Variants in NFATC2 observed in about 807,000 individuals in gnomAD.
NFATC2 encodes nuclear factor of activated T-cells, cytoplasmic 2.
In NFATC2, 22 loss-of-function variants were observed where a neutral mutation model predicts 87.3. The observed-to-expected ratio is 0.25, with a 90% CI of 0.18 to 0.36. The LOEUF (loss-of-function observed/expected upper bound fraction) is 0.36, where lower values mean the gene tolerates loss of function less well. NFATC2 is among the 10% of genes least tolerant of loss of function. NFATC2 has a pLI of 1.00. For missense variants in NFATC2, 1,149 were observed against 1,259.1 expected, an observed-to-expected ratio of 0.91 and a Z score of 1.32; for synonymous variants, 565 against 542.2, an observed-to-expected ratio of 1.04 and a Z score of -0.58.
intron 1 of NFATC2, among the ~76,000 whole-genome samples, chr20:51,525,919 A>ACCCACC (rs368808702): frequency 0.06 from 6,095 of 100,778 alleles, 160 homozygotes; most frequent in Middle Eastern, 0.079. Context: ...CCGGCCTGCC[A>ACCCACC]CCCACCCCCA....
At chr20:51,509,754 A>G (rs1437160164) in intron 3 of NFATC2, among the ~76,000 whole-genome samples, 1 of 152,242 alleles carries the variant, frequency 6.6e-6, no homozygotes, top group East Asian at 1.9e-4. Flanking sequence ...CCTTCCTTAG[A>G]TATCATTTCA....
intron 9 of NFATC2, among the ~76,000 whole-genome samples, chr20:51,419,994 C>A (rs1980636630): frequency 7.1e-6 from 1 of 140,910 alleles, no homozygotes. Flanking sequence ...TGCTTAAATT[C>A]ATGAGTTCAT....
chr20:51,394,952 G>A (rs971932796), intron 10 of NFATC2, among the ~76,000 whole-genome samples: 8 of 152,186 alleles, frequency 5.3e-5, no homozygotes, highest in Non-Finnish European at 2.9e-5. Flanking sequence ...AGCCCCACTC[G>A]TGCATGGCAC....
chr20:51,530,107 TAGAA>T (rs1457799513), intron 1 of NFATC2, among the ~76,000 whole-genome samples: 6 of 152,170 alleles, frequency 3.9e-5, no homozygotes, highest in African/African-American at 1.4e-4. Flanking sequence ...GAGCCAGTGT[TAGAA>T]AGAAAGGTGT....
At chr20:51,528,515 T>C (rs913741787) in intron 1 of NFATC2, among the ~76,000 whole-genome samples, 2 of 152,078 alleles carry the variant, frequency 1.3e-5, no homozygotes, top group African/African-American at 4.8e-5. Context: ...CACACATATG[T>C]ACACACACAG....
intron 1 of NFATC2, among the ~76,000 whole-genome samples, chr20:51,526,268 G>A (rs371887310): frequency 2.0e-5 from 3 of 152,104 alleles, no homozygotes; most frequent in African/African-American, 7.2e-5. Context: ...CGGCCCATGG[G>A]TTGTGTTTGT....
Position 51,391,079 on chromosome 20 carries a change from T to C in NFATC2, c.*417A>G, listed in dbSNP as rs1202923636. ...ATCCCCCCAAGCTCCAGTCACTCTG[T>C]TCTCAGGAGAGTTCCAGTGTCCTGT... On this transcript the variant is annotated 3_prime_UTR_variant, in exon 11 of 11. Transcript: ENST00000371564. 1 of 480,556 alleles carries C rather than the reference T, an allele frequency of 2.1e-6. No homozygotes were observed. Among genetic ancestry groups the C allele is most frequent in the Non-Finnish European group, 3.9e-6 (1 of 254,720 alleles). 29.8% of individuals were successfully genotyped at this position (480,556 alleles called of 1,614,324 possible). A position where few individuals can be genotyped will look rare whatever the true frequency, so the allele number is the denominator to read the frequency against.
chr20:51,516,592 A>G (rs1338869389), intron 3 of NFATC2, among the ~76,000 whole-genome samples, 192 bp downstream of exon 3: 4 of 152,218 alleles, frequency 2.6e-5, no homozygotes, highest in Admixed American at 6.5e-5. Context: ...GCTGAAGAAG[A>G]CTTTCTCTTC....
At chr20:51,541,965 CCTG>C (rs1455607880) in intron 1 of NFATC2, among the ~76,000 whole-genome samples, 4 of 152,112 alleles carry the variant, frequency 2.6e-5, no homozygotes, top group Admixed American at 6.5e-5. Flanking sequence ...GCAACTCCTC[CCTG>C]CTAACTCCAT....
chr20:51,477,451 T>C (rs1244689547), intron 3 of NFATC2, among the ~76,000 whole-genome samples: 1 of 150,000 alleles, frequency 6.7e-6, no homozygotes, highest in African/African-American at 2.4e-5. Context: ...TGCCATGTTA[T>C]AGGAAGGATA....
rs768194029 is a variant in NFATC2 at position 51,523,286 on chromosome 20, G to A, written c.955C>T (p.Pro319Ser). 2 of 1,613,842 alleles carry A rather than the reference G, an allele frequency of 1.2e-6. No homozygotes were observed. Among genetic ancestry groups the A allele is most frequent in the Non-Finnish European group, 1.7e-6 (2 of 1,179,828 alleles). The change falls in exon 2 of 11, where the codon CCC (proline) becomes TCC (serine). Residue 319 changes from proline (P) to serine (S), a missense_variant. By Grantham distance (74) the Pro-to-Ser change is moderately conservative. Coordinates refer to ENST00000371564, the MANE Select transcript of NFATC2 (RefSeq NM_012340.5). This position sits in a 1 kb window ranked among gnomAD's most constrained non-coding sequence, Gnocchi z 6.9. ...SLATDSPCGI[P>S]PKMWKTSPDP... ...GGGCTGGTCTTCCACATCTTGGGGG[G>A]GATCCCACAAGGCGAGTCCGTGGCG...
chr20:51,432,115 C>A lies in NFATC2; in HGVS notation c.2674G>T (p.Val892Leu), dbSNP rs1254898046. ...AAGTTCTGCTCCTGTTTAATGGTCA[C>A]CCCCGCAGGTAATACTTCCTTTTGG... ...SDQKEVLPAG[V>L]TIKQEQNLDQ... The change falls in exon 9 of 11, where the codon GTG (valine) becomes TTG (leucine). Residue 892 changes from valine (V) to leucine (L), a missense_variant. Val to Leu is a conservative substitution (Grantham distance 32, BLOSUM62 1). Transcript: ENST00000371564. The surrounding 1 kb of genome is among the most constrained non-coding windows in gnomAD (Gnocchi z 4.6). 6.4e-7 allele frequency: 1 copy of A among 1,564,388 alleles called. No individual in the cohort carries two copies. Among genetic ancestry groups the A allele is most frequent in the Admixed American group, 1.8e-5 (1 of 56,228 alleles).
In NFATC2 at chr20:51,480,886, G is replaced by A. The variant is rs1217909794; in HGVS notation, c.1333-5226C>T. On this transcript the variant is annotated intron_variant, in intron 3 of 10. Transcript: ENST00000371564. This position sits in a 1 kb window ranked among gnomAD's most constrained non-coding sequence, Gnocchi z 4.2. ...GGGAGGTGATATTACAGAACTGAAT[G>A]GAAGGGTGAAGAATGAATGTGAACA... is the stretch of plus-strand genomic sequence containing the variant. 2.0e-5 allele frequency among the ~76,000 whole-genome samples: 3 copies of A among 152,150 alleles called. No individual in the cohort carries two copies. The highest frequency in any genetic ancestry group is 4.4e-5 in the Non-Finnish European group (3 of 68,024).
chr20:51,435,258 T>C lies in NFATC2; in HGVS notation c.1962A>G (p.Val654=). Residue 654 remains valine, a synonymous_variant, in exon 8 of 11, where the codon GTA becomes GTG. Transcript: ENST00000371564. ...EYRNKHIRTP[V]KVNFYVINGK... is the part of the protein sequence containing the mutation. ...CATTGATGACGTAGAAGTTCACTTT[T>C]ACAGGTGTGCGGATATGCTTGTTCC... The C allele has an allele frequency of 6.2e-7, 1 of 1,614,196 alleles. No homozygotes were observed. The highest frequency in any genetic ancestry group is 8.5e-7 in the Non-Finnish European group (1 of 1,180,042).
chr20:51,523,410 C>T lies in NFATC2; in HGVS notation c.831G>A (p.Pro277=), dbSNP rs773241062. Residue 277 remains proline, a synonymous_variant, in exon 2 of 11, where the codon CCG becomes CCA. Coordinates refer to ENST00000371564, the MANE Select transcript of NFATC2 (RefSeq NM_012340.5). This position sits in a 1 kb window ranked among gnomAD's most constrained non-coding sequence, Gnocchi z 6.9. ...ASPQRSRSPS[P]QPSSHVAPQD... ...GGGGTGCCACGTGAGATGAGGGCTG[C>T]GGCGAGGGGCTCCGGGAGCGCTGGG... The T allele has an allele frequency of 6.2e-6, 10 of 1,608,188 alleles. No homozygotes were observed. Among genetic ancestry groups the T allele is most frequent in the Non-Finnish European group, 8.5e-6 (10 of 1,177,130 alleles).
At chr20:51,525,173 C>T (rs1389372850) in intron 1 of NFATC2, among the ~76,000 whole-genome samples, 18 of 152,308 alleles carry the variant, frequency 1.2e-4, no homozygotes, top group African/African-American at 4.1e-4. Flanking sequence ...TGAGCCAAGA[C>T]TGTGCCACTG....
chr20:51,480,071 T>G lies in NFATC2; in HGVS notation c.1333-4411A>C, dbSNP rs1989105632. ...GGGAGGCTGAGGTGGGCAGATCACT[T>G]GACGTCAGGAGTTCAAGACCAGCCC... On this transcript the variant is annotated intron_variant, in intron 3 of 10. Transcript: ENST00000371564. The surrounding 1 kb of genome is among the most constrained non-coding windows in gnomAD (Gnocchi z 4.2). Among the ~76,000 whole-genome samples, 1 of 152,104 alleles carries G rather than the reference T, an allele frequency of 6.6e-6. No homozygotes were observed. Among genetic ancestry groups the G allele is most frequent in the Non-Finnish European group, 1.5e-5 (1 of 68,024 alleles).
chr20:51,426,660 G>A (rs536969206), intron 9 of NFATC2, among the ~76,000 whole-genome samples: 76 of 152,308 alleles, frequency 5.0e-4, no homozygotes, highest in African/African-American at 1.1e-3. Flanking sequence ...CAGAGTCAGT[G>A]ATGGAGCTGA....
At chr20:51,542,749 CGGGGGGGGGG>C, upstream of NFATC2, 10 of 3,820 alleles carry the variant, frequency 2.6e-3, no homozygotes, top group Non-Finnish European at 4.6e-3. Context: ...CCCGGGGAGG[CGGGGGGGGGG>C]GGGGCGTGGA....
Sources: allele counts gnomAD v4.1 joint callset (sites outside exome capture counted in the v4.1 genomes callset), GRCh38; gene constraint gnomAD v4.1.1; non-coding constraint Gnocchi (gnomAD v3.1); transcripts MANE v1.5; gene names NCBI Gene and HGNC (gene_info 2026-07-23, HGNC 2026-07-21).